The following CCDC171 variants were observed in gnomAD, a reference collection of about 807,000 sequenced individuals.
The protein encoded by CCDC171 is coiled-coil domain containing 171.
Under a neutral mutation model 168.2 loss-of-function variants are expected in CCDC171, and 177 were observed. The ratio of observed to expected loss-of-function variants is 1.05; its 90% CI spans 0.93 to 1.19. The LOEUF is 1.19. CCDC171 is among the 50% of genes most tolerant of loss of function. The pLI, the probability that CCDC171 is intolerant of heterozygous loss-of-function variation, is 0.00. For missense variants in CCDC171, 1,991 were observed against 1,539.0 expected, an observed-to-expected ratio of 1.29 and a Z score of -4.91; for synonymous variants, 687 against 540.8, an observed-to-expected ratio of 1.27 and a Z score of -3.75.
At chr9:15,723,312 T>A (rs939775878) in intron 12 of CCDC171, among the ~76,000 whole-genome samples, 2 of 152,192 alleles carry the variant, frequency 1.3e-5, no homozygotes, top group Non-Finnish European at 2.9e-5. Context: ...TTCTTTTTTA[T>A]TTACTTATAG....
chr9:15,728,148 TTAA>T, intron 15 of CCDC171, 112 bp downstream of exon 15: 1 of 822,964 alleles, frequency 1.2e-6, no homozygotes, highest in East Asian at 2.7e-5. Context: ...AATTTGGATG[TTAA>T]TAATTCAATA....
At chr9:15,905,618 G>A (rs1421465552) in intron 24 of CCDC171, among the ~76,000 whole-genome samples, 2 of 151,990 alleles carry the variant, frequency 1.3e-5, no homozygotes, top group African/African-American at 2.4e-5. Flanking sequence ...AAGAACTAGA[G>A]AAGCAAGAGC....
At chr9:15,788,048 A>T (rs1016479845) in intron 21 of CCDC171, among the ~76,000 whole-genome samples, 2 of 152,188 alleles carry the variant, frequency 1.3e-5, no homozygotes, top group African/African-American at 4.8e-5. Flanking sequence ...TAATTTTTTT[A>T]AATTGCCAGT....
chr9:15,856,071 C>A (rs867106444), intron 23 of CCDC171, among the ~76,000 whole-genome samples: 1 of 151,852 alleles, frequency 6.6e-6, no homozygotes, highest in Non-Finnish European at 1.5e-5. Context: ...TCAGGACTCC[C>A]TTTAGCATTT....
intron 24 of CCDC171, among the ~76,000 whole-genome samples, chr9:15,905,823 A>G (rs1216671986): frequency 1.3e-5 from 2 of 152,206 alleles, no homozygotes; most frequent in Admixed American, 6.5e-5. Context: ...AGACACAATA[A>G]AAAATGATAA....
chr9:15,787,378 C>T (rs1296497798), intron 21 of CCDC171, among the ~76,000 whole-genome samples: 1 of 152,148 alleles, frequency 6.6e-6, no homozygotes, highest in Non-Finnish European at 1.5e-5. Context: ...CCCATCCCCA[C>T]TCACAGCTTC....
At chr9:15,905,354 C>T (rs1269346961) in intron 24 of CCDC171, among the ~76,000 whole-genome samples, 4 of 152,152 alleles carry the variant, frequency 2.6e-5, no homozygotes, top group African/African-American at 4.8e-5. Flanking sequence ...AACTAGAACT[C>T]GGGATTCAGA....
At chr9:15,610,024 C>T (rs146812608) in intron 6 of CCDC171, among the ~76,000 whole-genome samples, 2 of 151,998 alleles carry the variant, frequency 1.3e-5, no homozygotes, top group East Asian at 3.9e-4. Context: ...TATATTGCAG[C>T]CTTTCTATTA....
At chr9:15,902,281 T>TATATATATATACAC (rs1554673437) in intron 24 of CCDC171, among the ~76,000 whole-genome samples, 1 of 145,160 alleles carries the variant, frequency 6.9e-6, no homozygotes, top group African/African-American at 2.6e-5. Context: ...TATATATATA[T>TATATATATATACAC]ACACACACAC....
intron 21 of CCDC171, among the ~76,000 whole-genome samples, chr9:15,809,057 A>T (rs763465150): frequency 2.0e-5 from 3 of 152,192 alleles, no homozygotes; most frequent in Non-Finnish European, 4.4e-5. Context: ...GTGCTCGTCC[A>T]TGATGGTTTA....
upstream of CCDC171, among the ~76,000 whole-genome samples, chr9:15,552,914 C>A (rs368619564): frequency 2.4e-4 from 37 of 152,262 alleles, no homozygotes; most frequent in African/African-American, 8.7e-4. Context: ...AGCGAAGGCG[C>A]GCTGCTTGGC....
At chr9:15,658,365 A>G (rs1462805968) in intron 8 of CCDC171, among the ~76,000 whole-genome samples, 2 of 152,178 alleles carry the variant, frequency 1.3e-5, no homozygotes, top group Non-Finnish European at 2.9e-5. Flanking sequence ...TAGATAAAGG[A>G]AGGGAGTGAA....
intron 21 of CCDC171, among the ~76,000 whole-genome samples, chr9:15,827,927 T>C (rs2060081445): frequency 6.6e-6 from 1 of 152,216 alleles, no homozygotes; most frequent in South Asian, 2.1e-4. Flanking sequence ...AGGATTCATC[T>C]TGTTATTTCT....
chr9:15,926,538 C>G (rs901138410), intron 25 of CCDC171, among the ~76,000 whole-genome samples: 4 of 151,596 alleles, frequency 2.6e-5, no homozygotes, highest in Non-Finnish European at 5.9e-5. Context: ...TGGCTACTCT[C>G]AAAACTATTA....
At chr9:16,044,112 C>T (rs546965062) in intron 1 of CCDC171, among the ~76,000 whole-genome samples, 59 of 152,324 alleles carry the variant, frequency 3.9e-4, no homozygotes, top group African/African-American at 1.4e-3. Context: ...GGCTGTCCCC[C>T]TTCTATTCAG....
intron 4 of CCDC171, among the ~76,000 whole-genome samples, chr9:15,583,473 G>T (rs2041301817): frequency 6.7e-6 from 1 of 150,362 alleles, no homozygotes; most frequent in African/African-American, 2.4e-5. Flanking sequence ...GCCATAAAAA[G>T]AACGAAATAG....
At chr9:15,892,067 G>C (rs954214904) in intron 24 of CCDC171, among the ~76,000 whole-genome samples, 1 of 152,096 alleles carries the variant, frequency 6.6e-6, no homozygotes, top group African/African-American at 2.4e-5. Context: ...TATCCACTGC[G>C]TTTCAATATG....
Position 15,729,596 on chromosome 9 carries a change from A to G in CCDC171, c.1861-14A>G. 6.5e-7 allele frequency: 1 copy of G among 1,540,844 alleles called. No individual in the cohort carries two copies. The highest frequency in any genetic ancestry group is 8.8e-7 in the Non-Finnish European group (1 of 1,135,120). On this transcript the variant is annotated splice_polypyrimidine_tract_variant and intron_variant, in intron 15 of 25. Transcript: ENST00000380701. ...GTGAGCATATTTCCTTCTCTGTTGC[A>G]TCTCCCCGTATAGATAAGGCATCTA...
At chr9:16,093,817 C>T in the CCDC171 span, among the ~76,000 whole-genome samples, 48 of 152,272 alleles carry the variant, frequency 3.2e-4, 1 homozygote, top group East Asian at 8.9e-3. Flanking sequence ...GGCACATAGA[C>T]CCATATGCCA....
Sources: gnomAD v4.1 joint callset for allele counts (sites outside exome capture counted in the v4.1 genomes callset) on GRCh38, gnomAD v4.1.1 for gene constraint, MANE v1.5 for transcripts, NCBI Gene and HGNC (gene_info 2026-07-23, HGNC 2026-07-21) for gene names.